DSC2: variants seen among roughly 807,000 people sequenced by gnomAD.
The protein encoded by DSC2 is desmocollin 2, also known as desmocollin-2.
A neutral mutation model predicts 87.6 loss-of-function variants in DSC2; 51 were observed. The observed-to-expected ratio is 0.58, with a 90% CI of 0.46 to 0.74. The LOEUF (loss-of-function observed/expected upper bound fraction) is 0.74, where lower values mean the gene tolerates loss of function less well. DSC2 is among the 30% of genes least tolerant of loss of function. The probability of loss-of-function intolerance (pLI) is 0.00; values close to 1 mark genes in which losing one functional copy is unlikely to be tolerated. For missense variants in DSC2, 1,066 were observed against 1,089.5 expected, an observed-to-expected ratio of 0.98 and a Z score of 0.30; for synonymous variants, 383 against 393.2, an observed-to-expected ratio of 0.97 and a Z score of 0.31.
intron 1 of DSC2, among the ~76,000 whole-genome samples, chr18:31,098,151 T>C (rs1987821919): frequency 6.6e-6 from 1 of 152,198 alleles, no homozygotes; most frequent in Admixed American, 6.5e-5. Flanking sequence ...ATATATGTAC[T>C]CTTATATAAT....
chr18:31,082,355 G>A lies in DSC2; in HGVS notation c.1146C>T (p.Asp382=). Residue 382 remains aspartate (D), a synonymous_variant, in exon 9 of 16, where the codon GAC becomes GAT. Transcript: ENST00000280904. ...CTCTCCAGTTAGCAGTATTCACTAA[G>A]TCCTTATCCTCAACAGTAACTCGTA... is the stretch of plus-strand genomic sequence containing the variant. ...EILRVTVEDK[D]LVNTANWRAN... The A allele has an allele frequency of 6.2e-7, 1 of 1,613,864 alleles. No individual in the cohort carries two copies. Among genetic ancestry groups the A allele is most frequent in the Non-Finnish European group, 8.5e-7 (1 of 1,179,950 alleles).
At chr18:31,080,575 G>T (rs1182543740) in intron 9 of DSC2, among the ~76,000 whole-genome samples, 1 of 152,160 alleles carries the variant, frequency 6.6e-6, no homozygotes, top group Admixed American at 6.5e-5. Context: ...CTGAGGGAAG[G>T]TGATTGGATC....
At position 31,061,862 on chromosome 18, in the gene DSC2, C is replaced by G. The variant is rs1403876022; in HGVS notation, c.*6153G>C. On this transcript the variant is annotated 3_prime_UTR_variant, in exon 16 of 16. Coordinates refer to ENST00000280904, the MANE Select transcript of DSC2 (RefSeq NM_024422.6). ...GAGCTTCTTGGAAGAAAGATCAGATCCTACTTCTCAAGATTTCAGTCCTCA... is the reference window on the plus strand; with the variant it reads ...GAGCTTCTTGGAAGAAAGATCAGATGCTACTTCTCAAGATTTCAGTCCTCA... 8 of 152,104 alleles carry G rather than the reference C, an allele frequency of 5.3e-5. No individual in the cohort carries two copies. The East Asian group carries it at 1.5e-3, about 29-fold the overall frequency. The allele number at this position is 152,104 out of a possible 1,614,324, so 9.4% of individuals were successfully genotyped here.
At chr18:31,074,633 G>T in intron 12 of DSC2, 50 bp downstream of exon 12, 4 of 1,498,984 alleles carry the variant, frequency 2.7e-6, no homozygotes, top group South Asian at 1.2e-5. Context: ...AAAAAGTATC[G>T]CAGACATCCT....
In DSC2 at chr18:31,102,000, G is replaced by C. The variant is rs1365961200; in HGVS notation, c.-29C>G. Reference sequence around the variant, plus strand: ...GAGGGCTCGGGGCAGGTCGCGGGCCGAGCGTCGGGCCGGGGTAGGAGGGCT... The same window carrying C: ...GAGGGCTCGGGGCAGGTCGCGGGCCCAGCGTCGGGCCGGGGTAGGAGGGCT... On this transcript the variant is annotated 5_prime_UTR_variant, in exon 1 of 16. Coordinates refer to ENST00000280904, the MANE Select transcript of DSC2 (RefSeq NM_024422.6). 2 of 1,481,866 alleles carry C rather than the reference G, an allele frequency of 1.3e-6. No individual in the cohort carries two copies. Among genetic ancestry groups the C allele is most frequent in the African/African-American group, 1.5e-5 (1 of 68,878 alleles). 91.8% of individuals were successfully genotyped at this position (1,481,866 alleles called of 1,614,324 possible).
rs1478081073 is a variant in DSC2 at position 31,091,077 on chromosome 18, C to T, written c.425G>A (p.Cys142Tyr). The T allele has an allele frequency of 2.5e-6, 4 of 1,614,022 alleles. No individual in the cohort carries two copies. The highest frequency in any genetic ancestry group is 2.5e-6 in the Non-Finnish European group (3 of 1,179,952). ...RAKRRWAPIP[C>Y]SMLENSLGPF... The stretch of plus-strand genomic sequence containing the variant: ...ACCCAAGGAGTTTTCTAGCATCGAA[C>T]AAGGAATTGGAGCCCATCTTCTCTT... Residue 142 changes from cysteine (C) to tyrosine (Y), a missense_variant, in exon 4 of 16, where the codon TGT becomes TAT. Physicochemically the swap from Cys to Tyr is radical, Grantham distance 194. Coordinates refer to ENST00000280904, the MANE Select transcript of DSC2 (RefSeq NM_024422.6).
intron 12 of DSC2, among the ~76,000 whole-genome samples, chr18:31,073,075 T>TTTAAAAGCTTAAAAGAAAA (rs1567973710): frequency 1.3e-5 from 2 of 152,162 alleles, no homozygotes; most frequent in Non-Finnish European, 2.9e-5. Flanking sequence ...TAAGCTTAAC[T>TTTAAAAGCTTAAAAGAAAA]GACTTCAAAG....
intron 11 of DSC2, among the ~76,000 whole-genome samples, chr18:31,075,668 T>C (rs1198898643): frequency 5.3e-5 from 8 of 152,082 alleles, no homozygotes; most frequent in Admixed American, 3.3e-4. Flanking sequence ...CTGACCAACA[T>C]GGAGAAAGCC....
At chr18:31,070,874 TGA>T in intron 13 of DSC2, 24 bp from the exon 14 acceptor site, 1 of 1,612,332 alleles carries the variant, frequency 6.2e-7, no homozygotes, top group Admixed American at 1.7e-5. Context: ...GAAATATACT[TGA>T]GTTTATCATA....
chr18:31,086,491 A>G (rs191880130), intron 7 of DSC2, 85 bp downstream of exon 7: 178 of 1,480,778 alleles, frequency 1.2e-4, no homozygotes, highest in Non-Finnish European at 2.0e-5. Flanking sequence ...TTCACAACAT[A>G]CTTTTCAAAA....
intron 11 of DSC2, among the ~76,000 whole-genome samples, chr18:31,075,498 T>C (rs577647427): frequency 6.6e-6 from 1 of 152,308 alleles, no homozygotes; most frequent in Admixed American, 6.5e-5. Flanking sequence ...ACTTGAAAAC[T>C]GAAATAATCA....
chr18:31,085,011 T>C (rs1031109009), intron 7 of DSC2, among the ~76,000 whole-genome samples: 1 of 152,074 alleles, frequency 6.6e-6, no homozygotes, highest in African/African-American at 2.4e-5. Context: ...ACTCAAAGTG[T>C]AAGATAGAGC....
In DSC2 at chr18:31,067,575, A is replaced by G. The variant is rs544739020; in HGVS notation, c.*440T>C. 1 of 193,028 alleles carries G rather than the reference A, an allele frequency of 5.2e-6. No homozygotes were observed. Among genetic ancestry groups the G allele is most frequent in the Non-Finnish European group, 1.1e-5 (1 of 93,422 alleles). 12.0% of individuals were successfully genotyped at this position (193,028 alleles called of 1,614,324 possible). ...CAAGAATGCAGTCTACACACTTTAG[A>G]TGTTCAGGAAAACAACAGTTTCCAA... is the stretch of plus-strand genomic sequence containing the variant. On this transcript the variant is annotated 3_prime_UTR_variant, in exon 16 of 16. Coordinates refer to ENST00000280904, the MANE Select transcript of DSC2 (RefSeq NM_024422.6).
intron 11 of DSC2, among the ~76,000 whole-genome samples, chr18:31,078,979 GTCTC>G (rs985820851): frequency 3.9e-5 from 6 of 152,078 alleles, no homozygotes; most frequent in Admixed American, 2.0e-4. Context: ...CATAGTGTTT[GTCTC>G]TCTAATTTTA....
At position 31,089,507 on chromosome 18, in the gene DSC2, C is replaced by T. The variant is rs146754448; in HGVS notation, c.562G>A (p.Val188Met). ...TACAAGTTTCCAGTGTCTCTCTCCA[C>T]ATAAAATAAATTCCGAGGTTCTTGG... ...VDQEPRNLFY[V>M]ERDTGNLYCT... Residue 188 changes from valine (V) to methionine (M), a missense_variant, in exon 5 of 16, where the codon GTG becomes ATG. Physicochemically the swap from Val to Met is conservative, Grantham distance 21. Coordinates refer to ENST00000280904, the MANE Select transcript of DSC2 (RefSeq NM_024422.6). The T allele has an allele frequency of 2.5e-6, 4 of 1,613,988 alleles. No individual in the cohort carries two copies. The highest frequency in any genetic ancestry group is 1.3e-5 in the African/African-American group (1 of 75,016).
chr18:31,082,536 T>C, intron 8 of DSC2, 113 bp from the exon 9 acceptor site: 4 of 991,854 alleles, frequency 4.0e-6, no homozygotes, highest in Non-Finnish European at 4.6e-6. Flanking sequence ...TTACATGATT[T>C]GAAACCCTAG....
chr18:31,079,379 G>A (rs568039256), intron 11 of DSC2, among the ~76,000 whole-genome samples: 7 of 152,034 alleles, frequency 4.6e-5, no homozygotes, highest in African/African-American at 1.2e-4. Context: ...TCAGCCTCCC[G>A]AGTAGCTCGG....
intron 1 of DSC2, among the ~76,000 whole-genome samples, chr18:31,098,145 A>G (rs1222078938): frequency 1.3e-5 from 2 of 152,150 alleles, no homozygotes. Context: ...GTATGTATAT[A>G]TGTACTCTTA....
intron 1 of DSC2, among the ~76,000 whole-genome samples, chr18:31,098,614 CT>C (rs1260958924): frequency 1.3e-5 from 2 of 152,026 alleles, no homozygotes; most frequent in Non-Finnish European, 2.9e-5. Flanking sequence ...ACCACCATGC[CT>C]GGCTAATTTT....
Sources: gnomAD v4.1 joint callset for allele counts (sites outside exome capture counted in the v4.1 genomes callset) on GRCh38, gnomAD v4.1.1 for gene constraint, MANE v1.5 for transcripts, NCBI Gene and HGNC (gene_info 2026-07-23, HGNC 2026-07-21) for gene names.